NFIC: variants seen among roughly 807,000 people sequenced by gnomAD.
NFIC encodes nuclear factor I C, also known as nuclear factor 1 C-type.
NFIC carries 12 observed loss-of-function variants against 54.4 expected under a neutral mutation model. The ratio of observed to expected loss-of-function variants is 0.22; its 90% CI spans 0.14 to 0.36. The LOEUF is 0.36. NFIC is among the 10% of genes least tolerant of loss of function. NFIC has a pLI of 1.00. For synonymous variants in NFIC, 322 were observed against 319.2 expected, an observed-to-expected ratio of 1.01 and a Z score of -0.09; for missense variants, 575 against 718.2, an observed-to-expected ratio of 0.80 and a Z score of 2.28.
intron 2 of NFIC, among the ~76,000 whole-genome samples, chr19:3,384,803 C>T (rs1045142699): frequency 2.6e-5 from 4 of 151,476 alleles, no homozygotes; most frequent in South Asian, 2.1e-4. Flanking sequence ...GCACTGGGGA[C>T]GGTGGGGGCA....
chr19:3,360,566 G>A (rs960419243), intron 1 of NFIC, among the ~76,000 whole-genome samples: 2 of 152,172 alleles, frequency 1.3e-5, no homozygotes, highest in Non-Finnish European at 2.9e-5. Context: ...GCGCGGCGGG[G>A]TGGTAGTGTA....
upstream of NFIC, among the ~76,000 whole-genome samples, chr19:3,363,145 A>G (rs971826297): frequency 6.6e-6 from 1 of 151,320 alleles, no homozygotes; most frequent in Admixed American, 6.6e-5. Flanking sequence ...TAGAGGATAC[A>G]TGTGCATATG....
rs2082706527 is a variant in NFIC at position 3,465,447 on chromosome 19, A to G, written c.*2678A>G. ...TGAGAATCTAAAAAAAAAAAAAAAA[A>G]AAAAAAAGGAAGAAAAACCACGCTA... On this transcript the variant is annotated 3_prime_UTR_variant, in exon 11 of 11. Transcript: ENST00000443272. 6.7e-6 allele frequency: 1 copy of G among 149,178 alleles called. No individual in the cohort carries two copies. Among genetic ancestry groups the G allele is most frequent in the African/African-American group, 2.4e-5 (1 of 41,062 alleles). 9.2% of individuals were successfully genotyped at this position (149,178 alleles called of 1,614,324 possible).
At chr19:3,457,393 G>C (rs1035062244) in intron 10 of NFIC, among the ~76,000 whole-genome samples, 1 of 152,118 alleles carries the variant, frequency 6.6e-6, no homozygotes, top group East Asian at 1.9e-4. Context: ...AGTAGTCTAG[G>C]GAGTGGGGGC....
intron 2 of NFIC, among the ~76,000 whole-genome samples, chr19:3,385,499 T>C (rs2081280889): frequency 6.6e-6 from 1 of 152,068 alleles, no homozygotes. Flanking sequence ...TTACTAACAT[T>C]ATCCTCTTCG....
In NFIC at chr19:3,366,721, C is replaced by T. The variant is rs1243145485; in HGVS notation, c.30+55C>T. 1.3e-5 allele frequency: 16 copies of T among 1,274,022 alleles called. No individual in the cohort carries two copies. In the East Asian group the frequency reaches 4.4e-4, roughly 35 times the overall value. The allele number at this position is 1,274,022 out of a possible 1,614,324, so 78.9% of individuals were successfully genotyped here. ...GCCCCCGCGCCCCCCGCATCCCAGC[C>T]CCGGAGTTTTGAAGCAGGAGGAGGC... On this transcript the variant is annotated intron_variant, in intron 1 of 10. Transcript: ENST00000443272.
chr19:3,369,567 C>T lies in NFIC; in HGVS notation c.30+2901C>T, dbSNP rs543781578. On this transcript the variant is annotated intron_variant, in intron 1 of 10. Coordinates refer to ENST00000443272, the MANE Select transcript of NFIC (RefSeq NM_001245002.2). The surrounding 1 kb of genome is among the most constrained non-coding windows in gnomAD (Gnocchi z 4.3). ...CGCTCTGTGCCACCCGGGCCCGGCCCGCCGAGTGGGGAGTGGGTGCTGGCG... is the reference window on the plus strand; with the variant it reads ...CGCTCTGTGCCACCCGGGCCCGGCCTGCCGAGTGGGGAGTGGGTGCTGGCG... 2.0e-5 allele frequency among the ~76,000 whole-genome samples: 3 copies of T among 152,322 alleles called. No individual in the cohort carries two copies. Among genetic ancestry groups the T allele is most frequent in the East Asian group, 1.9e-4 (1 of 5,162 alleles).
chr19:3,361,084 C>T (rs1000989279), intron 1 of NFIC, among the ~76,000 whole-genome samples: 4 of 152,228 alleles, frequency 2.6e-5, no homozygotes, highest in African/African-American at 4.8e-5. Context: ...TCCCCTACGT[C>T]CCCTCCACTT....
intron 1 of NFIC, chr19:3,371,565 C>T (rs1226521863): frequency 2.0e-5 from 3 of 152,086 alleles, no homozygotes; most frequent in Admixed American, 1.3e-4. Context: ...GCCTCCATTT[C>T]TCCGCCAACA....
chr19:3,451,632 T>TAAAAAAAAAAAAAA (rs542068323), intron 7 of NFIC, among the ~76,000 whole-genome samples: 4 of 131,508 alleles, frequency 3.0e-5, no homozygotes, highest in African/African-American at 8.3e-5. Flanking sequence ...TTCTATCTCT[T>TAAAAAAAAAAAAAA]AAAAAAAAAA....
intron 2 of NFIC, among the ~76,000 whole-genome samples, 162 bp downstream of exon 2, chr19:3,382,405 G>A (rs564109667): frequency 3.9e-5 from 6 of 152,220 alleles, no homozygotes; most frequent in Admixed American, 1.3e-4. Context: ...GGGGCGACAC[G>A]GGGCACGGAG....
At chr19:3,436,200 C>T (rs756185330) in intron 6 of NFIC, among the ~76,000 whole-genome samples, 1 of 149,180 alleles carries the variant, frequency 6.7e-6, no homozygotes, top group Non-Finnish European at 1.5e-5. Context: ...GCTGGAGTGC[C>T]GGGGTGCAAT....
chr19:3,386,342 A>C (rs1380482840), intron 2 of NFIC, among the ~76,000 whole-genome samples: 6 of 63,488 alleles, frequency 9.5e-5, no homozygotes, highest in African/African-American at 4.4e-4. Flanking sequence ...TTTTTTTTTG[A>C]GATAGGGTCT....
At chr19:3,450,833 T>G (rs1373956284) in intron 7 of NFIC, among the ~76,000 whole-genome samples, 1 of 152,166 alleles carries the variant, frequency 6.6e-6, no homozygotes, top group African/African-American at 2.4e-5. Context: ...AAGCAGCCAT[T>G]TGGGCCAGGG....
At chr19:3,429,231 CAAAA>C (rs367681612) in intron 3 of NFIC, among the ~76,000 whole-genome samples, 1 of 36,714 alleles carries the variant, frequency 2.7e-5, no homozygotes, top group Non-Finnish European at 4.7e-5. Flanking sequence ...ATCTCTACCC[CAAAA>C]AAAAAAAAAA....
At chr19:3,388,937 G>A (rs1399027396) in intron 2 of NFIC, among the ~76,000 whole-genome samples, 2 of 152,182 alleles carry the variant, frequency 1.3e-5, no homozygotes, top group Non-Finnish European at 2.9e-5. Context: ...CCTAGGAGGC[G>A]GAGGTTGCAG....
At chr19:3,421,941 C>G (rs557433771) in intron 2 of NFIC, among the ~76,000 whole-genome samples, 8 of 151,440 alleles carry the variant, frequency 5.3e-5, no homozygotes, top group Non-Finnish European at 7.4e-5. Context: ...ATTTTTTTTT[C>G]TTTTTTGTTG....
chr19:3,441,747 C>T (rs1340880193), intron 6 of NFIC, among the ~76,000 whole-genome samples: 1 of 152,186 alleles, frequency 6.6e-6, no homozygotes, highest in Non-Finnish European at 1.5e-5. Context: ...ATTGTTGCAG[C>T]CTGCAAGGCT....
chr19:3,442,728 A>G (rs1239752166), intron 6 of NFIC, among the ~76,000 whole-genome samples: 7 of 151,850 alleles, frequency 4.6e-5, no homozygotes, highest in Admixed American at 3.3e-4. Context: ...GGCTAGTGCA[A>G]CGTGGCCTGG....
Sources: allele counts gnomAD v4.1 joint callset (sites outside exome capture counted in the v4.1 genomes callset), GRCh38; gene constraint gnomAD v4.1.1; non-coding constraint Gnocchi (gnomAD v3.1); transcripts MANE v1.5; gene names NCBI Gene and HGNC (gene_info 2026-07-23, HGNC 2026-07-21).